PGM5: variants seen among roughly 807,000 people sequenced by gnomAD.
The protein encoded by PGM5 is phosphoglucomutase 5.
Under a neutral mutation model 59.2 loss-of-function variants are expected in PGM5, and 23 were observed. That is an observed-to-expected ratio of 0.39 (90% CI 0.28 to 0.55). The LOEUF is 0.55. Among genes scored for constraint, PGM5 ranks in the 20% least tolerant of loss-of-function variants. The pLI is 0.66. For missense variants in PGM5, 574 were observed against 748.3 expected (o/e 0.77, Z 2.72); for synonymous variants, 214 against 286.0 (o/e 0.75, Z 2.54).
At chr9:68,379,100 C>T (rs1328163935) in intron 2 of PGM5, among the ~76,000 whole-genome samples, 1 of 152,146 alleles carries the variant, frequency 6.6e-6, no homozygotes, top group African/African-American at 2.4e-5. Context: ...CATGACTGTG[C>T]TAACATACCT....
chr9:68,500,376 A>C (rs926790828), intron 10 of PGM5, among the ~76,000 whole-genome samples: 1 of 151,834 alleles, frequency 6.6e-6, no homozygotes, highest in East Asian at 1.9e-4. Context: ...AATGGGTGCT[A>C]CAGATCCTTA....
At chr9:68,496,772 C>T (rs1191636208) in intron 9 of PGM5, 1 of 152,158 alleles carries the variant, frequency 6.6e-6, no homozygotes, top group Non-Finnish European at 1.5e-5. Context: ...TCTTAAATTT[C>T]CCCTCACTGG....
At chr9:68,416,313 A>G (rs1554681979) in intron 6 of PGM5, among the ~76,000 whole-genome samples, 1 of 152,214 alleles carries the variant, frequency 6.6e-6, no homozygotes, top group Non-Finnish European at 1.5e-5. Context: ...TGGTGTATAA[A>G]TACGTCAGCT....
chr9:68,462,420 G>C (rs1587817917), intron 6 of PGM5, among the ~76,000 whole-genome samples: 1 of 152,070 alleles, frequency 6.6e-6, no homozygotes, highest in African/African-American at 2.4e-5. Flanking sequence ...ATTCCTTTTT[G>C]ACCCTAGGAC....
At chr9:68,421,378 ATC>A (rs1298323990) in intron 6 of PGM5, among the ~76,000 whole-genome samples, 4 of 152,064 alleles carry the variant, frequency 2.6e-5, no homozygotes, top group Admixed American at 2.0e-4. Context: ...GAGCTCTTCC[ATC>A]TTATGGGCAA....
At chr9:68,438,502 A>G (rs2132061203) in intron 6 of PGM5, among the ~76,000 whole-genome samples, 1 of 152,256 alleles carries the variant, frequency 6.6e-6, no homozygotes, top group African/African-American at 2.4e-5. Context: ...TGAATGTTGA[A>G]AAAGCTTCCC....
At chr9:68,456,228 CT>C (rs563623264) in intron 6 of PGM5, among the ~76,000 whole-genome samples, 4 of 148,712 alleles carry the variant, frequency 2.7e-5, no homozygotes, top group African/African-American at 5.0e-5. Flanking sequence ...ATCTTGCTGT[CT>C]TTTTTTTTCT....
intron 1 of PGM5, among the ~76,000 whole-genome samples, chr9:68,369,004 A>G (rs569850945): frequency 2.0e-5 from 3 of 152,294 alleles, no homozygotes; most frequent in Non-Finnish European, 4.4e-5. Context: ...TTTTTGTTTT[A>G]CATATAAAAA....
chr9:68,371,190 C>T (rs1181182438), intron 1 of PGM5, among the ~76,000 whole-genome samples: 44 of 152,342 alleles, frequency 2.9e-4, no homozygotes, highest in African/African-American at 7.9e-4. Context: ...GGTTGCCCTT[C>T]TTCCAGCCAA....
chr9:68,485,037 C>T (rs1824272628), intron 9 of PGM5, among the ~76,000 whole-genome samples: 1 of 152,158 alleles, frequency 6.6e-6, no homozygotes, highest in Admixed American at 6.5e-5. Context: ...GAAACCATTC[C>T]TTCAAGGGAA....
At chr9:68,383,844 G>A (rs1587782420) in intron 2 of PGM5, among the ~76,000 whole-genome samples, 1 of 151,564 alleles carries the variant, frequency 6.6e-6, no homozygotes, top group South Asian at 2.1e-4. Context: ...TTGGTCTTCC[G>A]AGGAAATGCA....
chr9:68,479,363 C>G, intron 7 of PGM5, 55 bp from the exon 8 acceptor site: 2 of 1,543,438 alleles, frequency 1.3e-6, no homozygotes, highest in Non-Finnish European at 1.8e-6. Flanking sequence ...ATTCATTTAG[C>G]TTTTGCTTTG....
intron 6 of PGM5, among the ~76,000 whole-genome samples, chr9:68,409,115 C>T (rs1362503627): frequency 8.6e-4 from 129 of 150,186 alleles, no homozygotes; most frequent in Non-Finnish European, 1.3e-3. Context: ...CCAAAAAACA[C>T]ATGAAAAAAT....
At chr9:68,368,618 A>G (rs1834725171) in intron 1 of PGM5, among the ~76,000 whole-genome samples, 1 of 151,954 alleles carries the variant, frequency 6.6e-6, no homozygotes, top group African/African-American at 2.4e-5. Context: ...AGCAAACTAC[A>G]TCCAGTTTTT....
intron 6 of PGM5, among the ~76,000 whole-genome samples, chr9:68,439,115 C>A (rs1177747772): frequency 6.6e-6 from 1 of 152,076 alleles, no homozygotes; most frequent in Non-Finnish European, 1.5e-5. Flanking sequence ...GAAGTCCCAA[C>A]ACTTTGGGAG....
At chr9:68,509,592 C>T (rs934197143) in intron 10 of PGM5, among the ~76,000 whole-genome samples, 1 of 152,144 alleles carries the variant, frequency 6.6e-6, no homozygotes, top group African/African-American at 2.4e-5. Context: ...GGACCCAACA[C>T]GCCACACAGG....
chr9:68,461,995 T>A (rs1823864671), intron 6 of PGM5, among the ~76,000 whole-genome samples: 1 of 152,096 alleles, frequency 6.6e-6, no homozygotes, highest in Non-Finnish European at 1.5e-5. Context: ...CAGCATAGAA[T>A]ACATAGGGAG....
intron 10 of PGM5, 76 bp from the exon 11 acceptor site, chr9:68,529,491 A>G (rs1587237288): frequency 2.0e-6 from 2 of 995,902 alleles, no homozygotes; most frequent in Non-Finnish European, 3.1e-6. Flanking sequence ...CCAGATGCTT[A>G]TGGTAGAAAT....
intron 2 of PGM5, 21 bp downstream of exon 2, chr9:68,378,382 C>T (rs782240701): frequency 2.2e-5 from 34 of 1,575,296 alleles, no homozygotes; most frequent in Non-Finnish European, 2.8e-5. Flanking sequence ...CAGCATATGC[C>T]TTAATAATTA....
Sources: allele counts gnomAD v4.1 joint callset (sites outside exome capture counted in the v4.1 genomes callset), GRCh38; gene constraint gnomAD v4.1.1; transcripts MANE v1.5; gene names NCBI Gene and HGNC (gene_info 2026-07-23, HGNC 2026-07-21).